The following MRPL45 variants were observed in gnomAD, a reference collection of about 807,000 sequenced individuals.
MRPL45 encodes the protein large ribosomal subunit protein mL45.
In MRPL45, 20 loss-of-function variants were observed where a neutral mutation model predicts 38.1. The ratio of observed to expected loss-of-function variants is 0.53; its 90% CI spans 0.37 to 0.76. MRPL45 has a LOEUF of 0.76. Among genes scored for constraint, MRPL45 ranks in the 30% least tolerant of loss-of-function variants. The pLI, the probability that MRPL45 is intolerant of heterozygous loss-of-function variation, is 0.00. For missense variants in MRPL45, 337 were observed against 395.6 expected (o/e 0.85, Z 1.26); for synonymous variants, 105 against 128.8 (o/e 0.82, Z 1.25).
At chr17:38,311,095 G>A (rs1216078534) in intron 4 of MRPL45, among the ~76,000 whole-genome samples, 4 of 151,970 alleles carry the variant, frequency 2.6e-5, no homozygotes, top group African/African-American at 9.7e-5. Context: ...TCACAATGTT[G>A]TACAATTCTT....
At chr17:38,320,098 C>T (rs564268708) in intron 5 of MRPL45, among the ~76,000 whole-genome samples, 1 of 152,062 alleles carries the variant, frequency 6.6e-6, no homozygotes, top group East Asian at 1.9e-4. Context: ...GCAAGATTGC[C>T]GTCTCAAAAA....
At chr17:38,310,659 G>A (rs1345665104) in intron 4 of MRPL45, among the ~76,000 whole-genome samples, 10 of 151,988 alleles carry the variant, frequency 6.6e-5, no homozygotes, top group African/African-American at 1.4e-4. Context: ...AGGCTCTTGC[G>A]CTGTCACTCA....
intron 3 of MRPL45, among the ~76,000 whole-genome samples, chr17:38,303,312 T>A (rs1246799393): frequency 6.7e-6 from 1 of 148,376 alleles, no homozygotes; most frequent in African/African-American, 2.5e-5. Flanking sequence ...TTTTTTTTTT[T>A]TTTGAGAGGG....
At chr17:38,310,563 A>G (rs1424321117) in intron 4 of MRPL45, among the ~76,000 whole-genome samples, 1 of 152,126 alleles carries the variant, frequency 6.6e-6, no homozygotes, top group African/African-American at 2.4e-5. Flanking sequence ...TCCTGACTTC[A>G]GGTGATTCAC....
At chr17:38,321,215 T>TC (rs1382668466) in intron 6 of MRPL45, among the ~76,000 whole-genome samples, 1 of 152,178 alleles carries the variant, frequency 6.6e-6, no homozygotes, top group Non-Finnish European at 1.5e-5. Flanking sequence ...GCTCAAGTGA[T>TC]CCACCCACCT....
intron 4 of MRPL45, among the ~76,000 whole-genome samples, chr17:38,317,088 A>G (rs575458912): frequency 1.2e-4 from 18 of 152,152 alleles, no homozygotes; most frequent in East Asian, 1.2e-3. Context: ...GAGCCACCGC[A>G]CCCGGCCCAT....
At position 38,299,435 on chromosome 17, in the gene MRPL45, A is replaced by T. The variant is rs771589881; in HGVS notation, c.329A>T (p.Glu110Val). ...LSKEGLIERT[E>V]RMKKTMASQV... ...AAGGAGGGACTGATAGAGAGAACTG[A>T]ACGAATGAAGAAGACTATGGCATCA... is the stretch of plus-strand genomic sequence containing the variant. Residue 110 changes from glutamate (E) to valine (V), a missense_variant, in exon 3 of 8, where the codon GAA becomes GTA. Glu to Val is a moderately radical substitution (Grantham distance 121). Coordinates refer to ENST00000613675, the MANE Select transcript of MRPL45 (RefSeq NM_032351.6). The T allele has an allele frequency of 3.7e-6, 6 of 1,610,894 alleles. No homozygotes were observed. Among genetic ancestry groups the T allele is most frequent in the Non-Finnish European group, 4.2e-6 (5 of 1,179,416 alleles).
intron 3 of MRPL45, among the ~76,000 whole-genome samples, chr17:38,305,291 A>T (rs1328886258): frequency 7.6e-6 from 1 of 131,566 alleles, no homozygotes; most frequent in East Asian, 2.6e-4. Context: ...GCATGGTGAA[A>T]CCCCATCTCT....
At chr17:38,320,885 G>C in intron 6 of MRPL45, 118 bp downstream of exon 6, 1 of 958,486 alleles carries the variant, frequency 1.0e-6, no homozygotes, top group Non-Finnish European at 1.6e-6. Context: ...GGTACACTGT[G>C]ATCTGTCTTC....
intron 2 of MRPL45, 32 bp from the exon 3 acceptor site, chr17:38,299,319 A>G: frequency 7.0e-7 from 1 of 1,434,834 alleles, no homozygotes; most frequent in Non-Finnish European, 9.5e-7. Context: ...ATCTTTCAAC[A>G]CTTTCTTAAT....
Position 38,305,527 on chromosome 17 carries a change from C to G in MRPL45, c.363-1006C>G, listed in dbSNP as rs528017463. ...GACTCTTTTTTTTGAGATGGAGTCTCGCTCTGTTTCCCAGGCTGGAGTGCA... is the reference window on the plus strand; with the variant it reads ...GACTCTTTTTTTTGAGATGGAGTCTGGCTCTGTTTCCCAGGCTGGAGTGCA... On this transcript the variant is annotated intron_variant, in intron 3 of 7. Transcript: ENST00000613675. 2.6e-3 allele frequency among the ~76,000 whole-genome samples: 389 copies of G among 150,646 alleles called. 2 individuals carry two copies. Among genetic ancestry groups the G allele is most frequent in the African/African-American group, 8.9e-3 (369 of 41,238 alleles).
chr17:38,314,469 T>C (rs1252543324), intron 4 of MRPL45, among the ~76,000 whole-genome samples: 1 of 152,260 alleles, frequency 6.6e-6, no homozygotes, highest in African/African-American at 2.4e-5. Flanking sequence ...ATCCAGTTTT[T>C]CAAGTTTTTT....
chr17:38,306,552 T>A lies in MRPL45; in HGVS notation c.382T>A (p.Tyr128Asn). ...TTACAGAATCCGGAGGATAAAAGAC[T>A]ATGATGCCAACTTTAAAATAAAGGA... ...SQVSIRRIKD[Y>N]DANFKIKDFP... Residue 128 changes from tyrosine (Y) to asparagine (N), a missense_variant, in exon 4 of 8, where the codon TAT (tyrosine) becomes AAT (asparagine). By Grantham distance (143) the Tyr-to-Asn change is moderately radical (BLOSUM62 -2). Transcript: ENST00000613675. 6.2e-7 allele frequency: 1 copy of A among 1,609,610 alleles called. No individual in the cohort carries two copies. The highest frequency in any genetic ancestry group is 8.5e-7 in the Non-Finnish European group (1 of 1,178,400).
chr17:38,300,256 T>C (rs960477947), intron 3 of MRPL45, among the ~76,000 whole-genome samples: 2 of 151,668 alleles, frequency 1.3e-5, no homozygotes, highest in Non-Finnish European at 2.9e-5. Context: ...GACCTCGTGA[T>C]CCACCCACCT....
At chr17:38,306,299 C>T (rs2037053475) in intron 3 of MRPL45, among the ~76,000 whole-genome samples, 1 of 151,668 alleles carries the variant, frequency 6.6e-6, no homozygotes, top group African/African-American at 2.4e-5. Context: ...GTGCCAGCTA[C>T]TCAGGAGGCT....
intron 6 of MRPL45, among the ~76,000 whole-genome samples, chr17:38,321,744 T>G (rs778323670): frequency 1.3e-5 from 2 of 151,306 alleles, no homozygotes; most frequent in Admixed American, 6.6e-5. Context: ...AATGGTTGTG[T>G]GGCAGGCTGG....
chr17:38,318,818 TTTTCTTTTC>T, intron 5 of MRPL45, 83 bp downstream of exon 5: 1 of 870,586 alleles, frequency 1.1e-6, no homozygotes, highest in Admixed American at 2.8e-5. Context: ...TTTTCTTTTC[TTTTCTTTTC>T]TTTTTTTTTT....
intron 4 of MRPL45, 109 bp from the exon 5 acceptor site, chr17:38,318,578 G>T: frequency 1.2e-6 from 1 of 817,026 alleles, no homozygotes; most frequent in Non-Finnish European, 2.1e-6. Flanking sequence ...TAGATGTGCC[G>T]AAAACATTTG....
At chr17:38,322,337 T>C in intron 7 of MRPL45, 38 bp downstream of exon 7, 1 of 1,602,606 alleles carries the variant, frequency 6.2e-7, no homozygotes, top group Non-Finnish European at 8.5e-7. Context: ...GCTGAGGCAC[T>C]ACTCGTGGTC....
Sources: gnomAD v4.1 joint callset for allele counts (sites outside exome capture counted in the v4.1 genomes callset) on GRCh38, gnomAD v4.1.1 for gene constraint, MANE v1.5 for transcripts, NCBI Gene and HGNC (gene_info 2026-07-23, HGNC 2026-07-21) for gene names.